DIP2C: variants seen among roughly 807,000 people sequenced by gnomAD.
The protein encoded by DIP2C is disco-interacting protein 2 homolog C.
A neutral mutation model predicts 192.4 loss-of-function variants in DIP2C; 33 were observed. The observed-to-expected ratio is 0.17, with a 90% CI of 0.13 to 0.23. The LOEUF (loss-of-function observed/expected upper bound fraction) is 0.23. DIP2C is among the 10% of genes least tolerant of loss of function. The pLI, the probability that DIP2C is intolerant of heterozygous loss-of-function variation, is 1.00. For missense variants in DIP2C, 1,537 were observed against 2,110.1 expected (o/e 0.73, Z 5.32); for synonymous variants, 979 against 864.1 (o/e 1.13, Z -2.33).
At chr10:594,853 A>C (rs541684027) in intron 1 of DIP2C, among the ~76,000 whole-genome samples, 4 of 152,210 alleles carry the variant, frequency 2.6e-5, no homozygotes, top group African/African-American at 7.2e-5. Flanking sequence ...TGGACACTGC[A>C]GGAAATGATG....
chr10:470,618 T>C (rs1564751267), intron 3 of DIP2C, among the ~76,000 whole-genome samples: 1 of 152,156 alleles, frequency 6.6e-6, no homozygotes, highest in Non-Finnish European at 1.5e-5. Flanking sequence ...GCTGGGATTG[T>C]GAAGATGGCA....
intron 1 of DIP2C, among the ~76,000 whole-genome samples, chr10:538,672 C>T (rs1847825570): frequency 6.6e-6 from 1 of 152,096 alleles, no homozygotes; most frequent in Non-Finnish European, 1.5e-5. Flanking sequence ...ACTTAAGAAC[C>T]TCACAAATAA....
chr10:422,768 C>T (rs1277276904), intron 5 of DIP2C, 56 bp downstream of exon 5: 2 of 1,549,964 alleles, frequency 1.3e-6, no homozygotes, highest in East Asian at 2.3e-5. Flanking sequence ...AGAGAATGTG[C>T]ACACACAAAG....
intron 1 of DIP2C, among the ~76,000 whole-genome samples, chr10:610,611 T>TA (rs1335140023): frequency 1.3e-4 from 20 of 152,264 alleles, no homozygotes; most frequent in Non-Finnish European, 2.4e-4. Flanking sequence ...CAGAATCGTT[T>TA]GCGAAGCAAG....
At chr10:369,898 C>G (rs1467155415) in intron 17 of DIP2C, 3 of 1,360,556 alleles carry the variant, frequency 2.2e-6, no homozygotes, top group Non-Finnish European at 2.9e-6. Context: ...CCTCTCCTGC[C>G]CCCTCTATGC....
At chr10:280,556 C>T (rs146008476) in intron 36 of DIP2C, among the ~76,000 whole-genome samples, 1 of 152,372 alleles carries the variant, frequency 6.6e-6, no homozygotes, top group Non-Finnish European at 1.5e-5. Context: ...CACTCCCACA[C>T]CTCAGAAGAA....
chr10:642,864 T>C lies in DIP2C; in HGVS notation c.85+46630A>G, dbSNP rs182214710. Among the ~76,000 whole-genome samples, 4 of 152,350 alleles carry C rather than the reference T, an allele frequency of 2.6e-5. No homozygotes were observed. The East Asian group carries it at 7.7e-4, about 29-fold the overall frequency. The stretch of plus-strand genomic sequence containing the variant: ...TGAACTCTTCCTCATATCCACTGAG[T>C]GGTCCTCCAGAAAGAGAAAGATTAA... On this transcript the variant is annotated intron_variant, in intron 1 of 36. Coordinates refer to ENST00000280886, the MANE Select transcript of DIP2C (RefSeq NM_014974.3).
At chr10:608,123 CAG>C (rs1852643167) in intron 1 of DIP2C, among the ~76,000 whole-genome samples, 1 of 125,572 alleles carries the variant, frequency 8.0e-6, no homozygotes, top group South Asian at 2.3e-4. Flanking sequence ...ACCACACACA[CAG>C]CCCCAACACA....
At chr10:287,749 A>G (rs1010522988) in intron 33 of DIP2C, among the ~76,000 whole-genome samples, 1 of 152,184 alleles carries the variant, frequency 6.6e-6, no homozygotes, top group Non-Finnish European at 1.5e-5. Flanking sequence ...AAAAACAAAA[A>G]AACAAAAACA....
At chr10:468,929 T>C (rs558126245) in intron 3 of DIP2C, among the ~76,000 whole-genome samples, 1 of 152,338 alleles carries the variant, frequency 6.6e-6, no homozygotes, top group Non-Finnish European at 1.5e-5. Flanking sequence ...AGGCAAATTC[T>C]ACCACCTGTA....
chr10:676,637 T>C (rs1383798383), intron 1 of DIP2C, among the ~76,000 whole-genome samples: 1 of 151,670 alleles, frequency 6.6e-6, no homozygotes, highest in Non-Finnish European at 1.5e-5. Context: ...GAAAAAGAAA[T>C]CAAGAAAGCA....
intron 9 of DIP2C, 112 bp from the exon 10 acceptor site, chr10:399,331 C>T (rs1964232334): frequency 1.4e-6 from 1 of 739,252 alleles, no homozygotes; most frequent in Non-Finnish European, 2.3e-6. Flanking sequence ...GAACCAGATC[C>T]TATGTAAAAT....
chr10:421,794 A>G (rs1003405036), intron 5 of DIP2C, among the ~76,000 whole-genome samples: 9 of 152,208 alleles, frequency 5.9e-5, no homozygotes, highest in African/African-American at 2.2e-4. Flanking sequence ...AACTGACTTC[A>G]AGATCCCAGC....
intron 9 of DIP2C, among the ~76,000 whole-genome samples, chr10:404,100 T>G (rs1964623269): frequency 6.6e-6 from 1 of 152,266 alleles, no homozygotes; most frequent in Non-Finnish European, 1.5e-5. Flanking sequence ...TTTACATGTG[T>G]GGTAGCATTA....
chr10:464,859 G>T (rs963256939), intron 3 of DIP2C, among the ~76,000 whole-genome samples: 2 of 151,652 alleles, frequency 1.3e-5, no homozygotes, highest in African/African-American at 4.8e-5. Context: ...TCTCTGAATA[G>T]ACCAATAACA....
At chr10:447,036 G>C (rs1968286420) in intron 3 of DIP2C, among the ~76,000 whole-genome samples, 1 of 152,236 alleles carries the variant, frequency 6.6e-6, no homozygotes, top group Admixed American at 6.5e-5. Context: ...AGAGTGAAAA[G>C]TGTGAGATTT....
At chr10:476,123 C>T (rs1435811165) in intron 2 of DIP2C, among the ~76,000 whole-genome samples, 1 of 152,136 alleles carries the variant, frequency 6.6e-6, no homozygotes, top group Non-Finnish European at 1.5e-5. Flanking sequence ...CCGGCATGGT[C>T]CCTGGGAAGG....
At chr10:479,884 T>TGGATGA (rs1843461551) in intron 2 of DIP2C, among the ~76,000 whole-genome samples, 1 of 150,812 alleles carries the variant, frequency 6.6e-6, no homozygotes. Context: ...TCACGCTCAC[T>TGGATGA]GGATGAGTGT....
intron 29 of DIP2C, among the ~76,000 whole-genome samples, chr10:336,747 T>A (rs1362498668): frequency 1.3e-5 from 2 of 152,170 alleles, no homozygotes; most frequent in Non-Finnish European, 2.9e-5. Flanking sequence ...CTGCGTCCTG[T>A]CCCTGAAGGC....
Sources: allele counts gnomAD v4.1 joint callset (sites outside exome capture counted in the v4.1 genomes callset), GRCh38; gene constraint gnomAD v4.1.1; transcripts MANE v1.5; gene names NCBI Gene and HGNC (gene_info 2026-07-23, HGNC 2026-07-21).